ANKS3: variants seen among roughly 807,000 people sequenced by gnomAD.
The protein encoded by ANKS3 is ankyrin repeat and SAM domain-containing protein 3.
Under a neutral mutation model 80.7 loss-of-function variants are expected in ANKS3, and 62 were observed. The observed-to-expected ratio is 0.77, with a 90% CI of 0.63 to 0.95. The LOEUF (loss-of-function observed/expected upper bound fraction) is 0.95. Among genes scored for constraint, ANKS3 ranks in the 40% least tolerant of loss-of-function variants. ANKS3 has a pLI of 0.00. For synonymous variants in ANKS3, 489 were observed against 355.3 expected (o/e 1.38, Z -4.23); for missense variants, 1,150 against 883.6 (o/e 1.30, Z -3.82).
chr16:4,697,880 G>T, intron 15 of ANKS3, 97 bp downstream of exon 15: 1 of 1,163,124 alleles, frequency 8.6e-7, no homozygotes, highest in Non-Finnish European at 1.2e-6. Context: ...AGTGGCTGCC[G>T]GCCGGAGAAC....
chr16:4,711,804 G>A (rs2080504302), intron 7 of ANKS3, among the ~76,000 whole-genome samples: 1 of 151,170 alleles, frequency 6.6e-6, no homozygotes, highest in Admixed American at 6.6e-5. Flanking sequence ...TGATCTCTCA[G>A]GAAAATATAA....
At chr16:4,714,612 G>A (rs908242702) in intron 6 of ANKS3, among the ~76,000 whole-genome samples, 18 of 152,208 alleles carry the variant, frequency 1.2e-4, no homozygotes, top group Non-Finnish European at 2.6e-4. Context: ...GCTCTATAAT[G>A]TATTTACAGG....
At chr16:4,727,324 G>A (rs894764170) in intron 3 of ANKS3, 147 bp from the exon 4 acceptor site, 8 of 779,538 alleles carry the variant, frequency 1.0e-5, no homozygotes, top group Admixed American at 7.1e-5. Flanking sequence ...ATTGGAGGCA[G>A]GCAGGCAGAA....
In ANKS3 at chr16:4,698,020, C is replaced by T; in HGVS notation, c.1767G>A (p.Gln589=). The change falls in exon 15 of 18, where the codon CAG becomes CAA. Residue 589 remains glutamine (Q), a synonymous_variant. Coordinates refer to ENST00000304283, the MANE Select transcript of ANKS3 (RefSeq NM_133450.4). ...GGCCCAGAGTGGCTGCACCAGGGGG[C>T]TGGTCCTGCCTCACTCGAGATGACA... The part of the protein sequence containing the change: ...AELSSRVRQD[Q]PPGAATLGLA... The T allele has an allele frequency of 1.9e-6, 3 of 1,608,098 alleles. No individual in the cohort carries two copies. The highest frequency in any genetic ancestry group is 2.5e-6 in the Non-Finnish European group (3 of 1,178,162).
intron 6 of ANKS3, among the ~76,000 whole-genome samples, chr16:4,722,396 C>T (rs967055337): frequency 6.6e-5 from 10 of 151,742 alleles, no homozygotes; most frequent in Admixed American, 2.0e-4. Flanking sequence ...CTGGCTAACA[C>T]GGTGAAACCT....
chr16:4,725,048 T>C (rs2081286133), intron 5 of ANKS3: 1 of 409,256 alleles, frequency 2.4e-6, no homozygotes, highest in African/African-American at 2.0e-5. Context: ...CTGGTCTTTG[T>C]CCTAAAGACA....
Position 4,714,283 on chromosome 16 carries a change from T to G in ANKS3, c.574-97A>C, listed in dbSNP as rs1346917464. ...GGAAGACAGAAGGGCATATGCTGGT[T>G]TCTGACTGCCTCCCTGTGTGGGAAA... On this transcript the variant is annotated intron_variant, in intron 6 of 17. Transcript: ENST00000304283. The G allele has an allele frequency of 2.6e-6, 4 of 1,511,998 alleles. No individual in the cohort carries two copies. In the East Asian group the frequency reaches 9.1e-5, roughly 34 times the overall value. 93.7% of individuals were successfully genotyped at this position (1,511,998 alleles called of 1,614,324 possible).
intron 6 of ANKS3, among the ~76,000 whole-genome samples, chr16:4,718,386 T>C (rs1445505024): frequency 1.3e-5 from 2 of 152,198 alleles, no homozygotes; most frequent in Non-Finnish European, 2.9e-5. Flanking sequence ...CGAATCAACT[T>C]TCTCTTAAAG....
In ANKS3 at chr16:4,733,995, C is replaced by G; in HGVS notation, c.-128G>C. On this transcript the variant is annotated 5_prime_UTR_variant, in exon 1 of 18. Coordinates refer to ENST00000304283, the MANE Select transcript of ANKS3 (RefSeq NM_133450.4). ...ATCCCCACAGGAACGCTACGGCGCA[C>G]AGGGCATTACTGTGCCCCCACCACA... The G allele has an allele frequency of 1.0e-6, 1 of 985,492 alleles. No homozygotes were observed. Among genetic ancestry groups the G allele is most frequent in the Non-Finnish European group, 1.2e-6 (1 of 829,954 alleles). The allele number at this position is 985,492 out of a possible 1,614,324, so 61.0% of individuals were successfully genotyped here. A position where few individuals can be genotyped will look rare whatever the true frequency, so the allele number is the denominator to read the frequency against.
At chr16:4,726,304 C>G (rs768027170) in intron 5 of ANKS3, among the ~76,000 whole-genome samples, 1 of 143,844 alleles carries the variant, frequency 7.0e-6, no homozygotes, top group Non-Finnish European at 1.5e-5. Flanking sequence ...ATCACCTCAC[C>G]TCATCCATAC....
chr16:4,728,304 C>T (rs1018559023), intron 3 of ANKS3, among the ~76,000 whole-genome samples: 1 of 152,146 alleles, frequency 6.6e-6, no homozygotes, highest in Non-Finnish European at 1.5e-5. Context: ...CTTAGCCTCC[C>T]AAAGTGCTGG....
chr16:4,729,967 C>G lies in ANKS3; in HGVS notation c.170+13G>C, dbSNP rs372922005. 2.1e-6 allele frequency: 3 copies of G among 1,459,662 alleles called. No individual in the cohort carries two copies. The highest frequency in any genetic ancestry group is 2.7e-6 in the Non-Finnish European group (3 of 1,093,586). 90.4% of individuals were successfully genotyped at this position (1,459,662 alleles called of 1,614,324 possible). ...GCTCAAAATGTGAGAGGAAGTTCCC[C>G]GAGATCTCTTACCGCTGCACACACT... On this transcript the variant is annotated intron_variant, in intron 3 of 17. Transcript: ENST00000304283.
At chr16:4,697,552 C>T in intron 15 of ANKS3, 136 bp from the exon 16 acceptor site, 1 of 699,206 alleles carries the variant, frequency 1.4e-6, no homozygotes, top group East Asian at 2.9e-5. Context: ...TCTAAGCAAC[C>T]TCCCAAGGCC....
At chr16:4,719,298 C>T (rs1462099233) in intron 6 of ANKS3, among the ~76,000 whole-genome samples, 1 of 152,194 alleles carries the variant, frequency 6.6e-6, no homozygotes, top group Non-Finnish European at 1.5e-5. Context: ...CGCCACTGTG[C>T]TCCAGCATGG....
chr16:4,714,377 TC>T (rs1414684107), intron 6 of ANKS3, 191 bp from the exon 7 acceptor site: 1 of 777,354 alleles, frequency 1.3e-6, no homozygotes, highest in Non-Finnish European at 2.0e-6. Flanking sequence ...CTCACTCTCT[TC>T]TTAGGGACAA....
rs761886792 is a variant in ANKS3 at position 4,705,104 on chromosome 16, G to T, written c.859C>A (p.Pro287Thr). The change falls in exon 8 of 18, where the codon CCT (proline) becomes ACT (threonine). Residue 287 changes from proline to threonine, a missense_variant. Transcript: ENST00000304283. ...GIGLGGRAPR[P>T]RYEQAPPRGY... ...AACGCGGGCCACTCACCATAGCGAG[G>T]CCGTGGGGCTCTGCCGCCCAGGCCA... 1.2e-6 allele frequency: 2 copies of T among 1,612,480 alleles called. No homozygotes were observed. Among genetic ancestry groups the T allele is most frequent in the South Asian group, 2.2e-5 (2 of 91,016 alleles).
At chr16:4,707,042 T>C (rs2080230824) in intron 7 of ANKS3, among the ~76,000 whole-genome samples, 1 of 152,126 alleles carries the variant, frequency 6.6e-6, no homozygotes, top group Non-Finnish European at 1.5e-5. Flanking sequence ...CTCAAAGATC[T>C]ATAGCACTCC....
intron 3 of ANKS3, among the ~76,000 whole-genome samples, chr16:4,729,013 G>C (rs1385835348): frequency 6.6e-6 from 1 of 152,212 alleles, no homozygotes; most frequent in Non-Finnish European, 1.5e-5. Context: ...GAGAGAGGAA[G>C]AGAGGTCGCT....
intron 6 of ANKS3, among the ~76,000 whole-genome samples, chr16:4,719,830 T>A (rs1380593279): frequency 1.3e-5 from 2 of 151,946 alleles, no homozygotes; most frequent in Middle Eastern, 3.4e-3. Flanking sequence ...AAAATAATTA[T>A]TTGCAGAAAA....
Sources: gnomAD v4.1 joint callset for allele counts (sites outside exome capture counted in the v4.1 genomes callset) on GRCh38, gnomAD v4.1.1 for gene constraint, MANE v1.5 for transcripts, NCBI Gene and HGNC (gene_info 2026-07-23, HGNC 2026-07-21) for gene names.